GK: variants seen among roughly 807,000 people sequenced by gnomAD.
GK encodes glycerol kinase, also known as ATP:glycerol 3-phosphotransferase.
In GK, 9 loss-of-function variants were observed where a neutral mutation model predicts 56.4. That is an observed-to-expected ratio of 0.16 (90% confidence interval 0.10 to 0.28). GK has a LOEUF of 0.28. Among genes scored for constraint, GK ranks in the 10% least tolerant of loss-of-function variants. The pLI is 1.00. For synonymous variants in GK, 104 were observed against 144.1 expected (o/e 0.72, Z 1.99); for missense variants, 161 against 431.4 (o/e 0.37, Z 5.55).
In GK at chrX:30,668,182, C is replaced by A. The variant is rs1933210895; in HGVS notation, c.259+64C>A. On this transcript the variant is annotated intron_variant, in intron 3 of 20. Transcript: ENST00000427190. ...TCTCAATCAAATTCATTAATTTATTCTTTCAGCTTATAATTGAGTGCCTAT... is the reference window on the plus strand; with the variant it reads ...TCTCAATCAAATTCATTAATTTATTATTTCAGCTTATAATTGAGTGCCTAT... The A allele has an allele frequency of 9.2e-6, 6 of 649,064 alleles. No individual in the cohort carries two copies. In the Middle Eastern group the frequency reaches 8.9e-4, roughly 97 times the overall value. 53.5% of individuals were successfully genotyped at this position (649,064 alleles called of 1,213,427 possible). A position where few individuals can be genotyped will look rare whatever the true frequency, so the allele number is the denominator to read the frequency against.
chrX:30,686,028 G>A (rs1211597533), intron 4 of GK, among the ~76,000 whole-genome samples: 1 of 112,315 alleles, frequency 8.9e-6, no homozygotes, highest in African/African-American at 3.2e-5. Context: ...ATACATGATA[G>A]GTGTTCCTAG....
intron 3 of GK, among the ~76,000 whole-genome samples, chrX:30,669,700 A>G (rs1340726936): frequency 4.5e-5 from 5 of 111,049 alleles, no homozygotes; most frequent in Non-Finnish European, 9.4e-5. Flanking sequence ...GAGAACATCA[A>G]TTGGTGGTGG....
intron 1 of GK, among the ~76,000 whole-genome samples, chrX:30,655,144 T>C (rs1378511380): frequency 8.9e-6 from 1 of 111,736 alleles, no homozygotes; most frequent in Non-Finnish European, 1.9e-5. Flanking sequence ...AGTTCCACTG[T>C]CTCTTGCACT....
chrX:30,720,786 T>C, intron 17 of GK, 45 bp downstream of exon 17: 1 of 1,207,762 alleles, frequency 8.3e-7, no homozygotes, highest in South Asian at 1.8e-5. Context: ...TAATGTTTCT[T>C]GTGGAATAAC....
chrX:30,668,253 G>T, intron 3 of GK, 135 bp downstream of exon 3: 1 of 476,596 alleles, frequency 2.1e-6, no homozygotes, highest in Non-Finnish European at 3.7e-6. Context: ...CAACACTAAA[G>T]AGGAAGATTT....
intron 11 of GK, among the ~76,000 whole-genome samples, chrX:30,701,719 T>G (rs1169458243): frequency 8.9e-6 from 1 of 112,552 alleles, no homozygotes; most frequent in African/African-American, 3.2e-5. Context: ...AGTTTCTCCT[T>G]TGACAAGAAG....
chrX:30,674,967 C>A (rs1220182177), intron 3 of GK, among the ~76,000 whole-genome samples: 1 of 111,655 alleles, frequency 9.0e-6, no homozygotes, highest in Non-Finnish European at 1.9e-5. Context: ...TATGGACATA[C>A]ACTTGCATGT....
chrX:30,712,717 CTTTTTTTTTTTTTTT>C (rs769269247), intron 13 of GK, among the ~76,000 whole-genome samples: 2 of 48,436 alleles, frequency 4.1e-5, no homozygotes, highest in Admixed American at 5.9e-4. Flanking sequence ...TTTTTCTTTT[CTTTTTTTTTTTTTTT>C]TTTTTTTTTT....
intron 4 of GK, chrX:30,687,384 T>C: frequency 3.7e-6 from 1 of 268,111 alleles, no homozygotes; most frequent in Non-Finnish European, 7.3e-6. Flanking sequence ...CCCTGCCTCT[T>C]CCTTTTCTTT....
In GK at chrX:30,730,067, A is replaced by C. The variant is rs1937292341; in HGVS notation, c.*1325A>C. 8.9e-6 allele frequency: 1 copy of C among 112,421 alleles called. No individual in the cohort carries two copies. Among genetic ancestry groups the C allele is most frequent in the Non-Finnish European group, 1.9e-5 (1 of 53,201 alleles). The allele number at this position is 112,421 out of a possible 1,213,427, so 9.3% of individuals were successfully genotyped here. On this transcript the variant is annotated 3_prime_UTR_variant, in exon 21 of 21. Coordinates refer to ENST00000427190, the MANE Select transcript of GK (RefSeq NM_001205019.2). ...GGTTTATCATTACAAATACCTTCCA[A>C]TGAAACCAAGAATTTCTCAAAATAT... is the stretch of plus-strand genomic sequence containing the variant.
chrX:30,707,762 C>T (rs1251793218), intron 12 of GK, among the ~76,000 whole-genome samples, 164 bp downstream of exon 12: 1 of 111,448 alleles, frequency 9.0e-6, no homozygotes, highest in East Asian at 2.8e-4. Flanking sequence ...CTAATAAGAA[C>T]CATTTTAGAC....
At chrX:30,687,961 A>C (rs1934714208) in intron 4 of GK, among the ~76,000 whole-genome samples, 1 of 112,093 alleles carries the variant, frequency 8.9e-6, no homozygotes, top group Non-Finnish European at 1.9e-5. Flanking sequence ...AACTGCCTTA[A>C]TGTCTGTCTA....
At chrX:30,695,149 C>CT (rs1478825560) in intron 6 of GK, 2 of 823,759 alleles carry the variant, frequency 2.4e-6, no homozygotes, top group Non-Finnish European at 3.2e-6. Context: ...ATGTAATGAT[C>CT]TTTTTTAACA....
chrX:30,680,229 T>C (rs1317171627), intron 4 of GK, among the ~76,000 whole-genome samples: 1 of 111,872 alleles, frequency 8.9e-6, no homozygotes, highest in East Asian at 2.8e-4. Flanking sequence ...TGCTATTACT[T>C]TGGGATTGTG....
chrX:30,682,897 A>G (rs771527047), intron 4 of GK, among the ~76,000 whole-genome samples: 25 of 111,309 alleles, frequency 2.2e-4, no homozygotes, highest in Admixed American at 3.8e-4. Context: ...TCATCCTCAT[A>G]TGGCAGACAG....
intron 9 of GK, among the ~76,000 whole-genome samples, chrX:30,699,339 T>C (rs1001948044): frequency 1.0e-5 from 1 of 97,539 alleles, no homozygotes; most frequent in Non-Finnish European, 2.0e-5. Flanking sequence ...TATACACACA[T>C]ACGTTTTATA....
At position 30,691,157 on chromosome X, in the gene GK, G is replaced by A. The variant is rs149553741; in HGVS notation, c.372G>A (p.Glu124=). The change falls in exon 5 of 21, where the codon GAG becomes GAA. Residue 124 remains glutamate, a synonymous_variant. Coordinates refer to ENST00000427190, the MANE Select transcript of GK (RefSeq NM_001205019.2). ...WLDLRTQSTV[E]SLSKRIPGNN... ...ATCTAAGAACCCAGTCTACCGTTGA[G>A]AGTCTTAGTAAAAGAATTCCAGGAA... 161 of 1,156,930 alleles carry A rather than the reference G, an allele frequency of 1.4e-4. No homozygotes were observed. The African/African-American group carries it at 2.5e-3, about 18-fold the overall frequency.
At chrX:30,672,588 C>T (rs1042296437) in intron 3 of GK, among the ~76,000 whole-genome samples, 6 of 111,860 alleles carry the variant, frequency 5.4e-5, no homozygotes, top group East Asian at 2.8e-4. Context: ...CTGAGGCGGG[C>T]GGATCACCTG....
At chrX:30,727,669 C>A (rs1443536178) in intron 20 of GK, 117 bp downstream of exon 20, 2 of 516,390 alleles carry the variant, frequency 3.9e-6, no homozygotes, top group East Asian at 7.5e-5. Flanking sequence ...GCTGGAAAAT[C>A]AATAAAAGGT....
Sources: gnomAD v4.1 joint callset for allele counts (sites outside exome capture counted in the v4.1 genomes callset) on GRCh38, gnomAD v4.1.1 for gene constraint, MANE v1.5 for transcripts, NCBI Gene and HGNC (gene_info 2026-07-23, HGNC 2026-07-21) for gene names.